The following RIC8B variants were observed in gnomAD, a reference collection of about 807,000 sequenced individuals.
RIC8B encodes chaperone Ric-8B.
A neutral mutation model predicts 57.5 loss-of-function variants in RIC8B; 16 were observed. That is an observed-to-expected ratio of 0.28 (90% CI 0.19 to 0.42). RIC8B has a LOEUF of 0.42. RIC8B is among the 10% of genes least tolerant of loss of function. RIC8B has a pLI of 1.00. For missense variants in RIC8B, 481 were observed against 677.0 expected (o/e 0.71, Z 3.21); for synonymous variants, 216 against 250.8 (o/e 0.86, Z 1.31).
chr12:106,823,376 G>C (rs1177971242), intron 3 of RIC8B: 1 of 452,028 alleles, frequency 2.2e-6, no homozygotes, highest in African/African-American at 2.0e-5. Context: ...TAATTTAGTG[G>C]ATTTAGAGTA....
Position 106,793,320 on chromosome 12 carries a change from A to T in RIC8B, c.132+9276A>T, listed in dbSNP as rs573350709. Among the ~76,000 whole-genome samples, 4 of 152,358 alleles carry T rather than the reference A, an allele frequency of 2.6e-5. No individual in the cohort carries two copies. In the East Asian group the frequency reaches 7.7e-4, roughly 29 times the overall value. On this transcript the variant is annotated intron_variant, in intron 2 of 9. Transcript: ENST00000392837. ...CTCAGAAATTTTGTCCAGGGGAAGA[A>T]GCAAGCCTTATAAAAGAGAGTGCTG...
chr12:106,836,715 G>A (rs1305433818), intron 4 of RIC8B, among the ~76,000 whole-genome samples: 1 of 152,174 alleles, frequency 6.6e-6, no homozygotes, highest in Admixed American at 6.5e-5. Flanking sequence ...CCTCAATGCA[G>A]TAGCCAGAGT....
Position 106,815,198 on chromosome 12 carries a change from T to C in RIC8B, c.635T>C (p.Ile212Thr). The C allele has an allele frequency of 1.2e-6, 2 of 1,614,240 alleles. No homozygotes were observed. Among genetic ancestry groups the C allele is most frequent in the Non-Finnish European group, 1.7e-6 (2 of 1,180,052 alleles). ...IKWTDEYESA[I>T]DHNGPPLSPQ... The stretch of plus-strand genomic sequence containing the variant: ...TGGACCGATGAGTATGAATCGGCCA[T>C]AGACCATAATGGACCTCCTCTCTCA... Residue 212 changes from isoleucine (I) to threonine (T), a missense_variant, in exon 3 of 10, where the codon ATA becomes ACA. Physicochemically the swap from Ile to Thr is moderately conservative, Grantham distance 89 (BLOSUM62 -1). This residue lies in a region of RIC8B where 421 missense variants were observed against 560.9 expected (regional missense o/e 0.75). Coordinates refer to ENST00000392837, the MANE Select transcript of RIC8B (RefSeq NM_001330145.2).
At chr12:106,793,833 A>G (rs1024972565) in intron 2 of RIC8B, among the ~76,000 whole-genome samples, 10 of 151,868 alleles carry the variant, frequency 6.6e-5, no homozygotes, top group African/African-American at 2.2e-4. Context: ...GTCACTAAAC[A>G]AATAAACAAA....
intron 2 of RIC8B, among the ~76,000 whole-genome samples, chr12:106,811,077 T>A (rs570758434): frequency 1.3e-5 from 2 of 152,374 alleles, no homozygotes; most frequent in Admixed American, 6.5e-5. Context: ...AAACAAGTAA[T>A]ATGCCTCACA....
At chr12:106,784,133 G>C in intron 2 of RIC8B, 89 bp downstream of exon 2, 3 of 1,198,124 alleles carry the variant, frequency 2.5e-6, no homozygotes, top group Non-Finnish European at 3.6e-6. Flanking sequence ...TTCATCTGAT[G>C]GTTATTGATT....
At chr12:106,782,172 C>T (rs548188243) in intron 1 of RIC8B, among the ~76,000 whole-genome samples, 30 of 152,198 alleles carry the variant, frequency 2.0e-4, no homozygotes, top group African/African-American at 6.7e-4. Context: ...GCATAACATT[C>T]CGTCAGTCTC....
chr12:106,788,431 C>G (rs1406708652), intron 2 of RIC8B, among the ~76,000 whole-genome samples: 1 of 152,194 alleles, frequency 6.6e-6, no homozygotes, highest in East Asian at 1.9e-4. Context: ...AGTAGGGACT[C>G]CGTGTGGGGG....
intron 4 of RIC8B, among the ~76,000 whole-genome samples, chr12:106,838,781 C>A (rs2046732725): frequency 6.6e-6 from 1 of 151,768 alleles, no homozygotes; most frequent in African/African-American, 2.4e-5. Flanking sequence ...AATCCATATA[C>A]CTCAAGAGGT....
rs756840233 is a variant in RIC8B at position 106,885,910 on chromosome 12, G to A, written c.1578G>A (p.Glu526=). 8.7e-6 allele frequency: 14 copies of A among 1,609,994 alleles called. No individual in the cohort carries two copies. Among genetic ancestry groups the A allele is most frequent in the Non-Finnish European group, 8.5e-7 (1 of 1,176,756 alleles). ...CTTTTATCTCTTTTTCTAGAGAGGAGTTGCTTAAACCAATGGGACTAAAAC... is the reference window on the plus strand; with the variant it reads ...CTTTTATCTCTTTTTCTAGAGAGGAATTGCTTAAACCAATGGGACTAAAAC... The part of the protein sequence containing the change: ...VNMLDKLSRE[E]LLKPMGLKPD... The change falls in exon 10 of 10, where the codon GAG becomes GAA. Residue 526 remains glutamate (E), a synonymous_variant. Coordinates refer to ENST00000392837, the MANE Select transcript of RIC8B (RefSeq NM_001330145.2).
chr12:106,885,894 C>G lies in RIC8B; in HGVS notation c.1572-10C>G. ...ACTTTTTTTTCTCTCTCTTTTATCT[C>G]TTTTTCTAGAGAGGAGTTGCTTAAA... On this transcript the variant is annotated splice_polypyrimidine_tract_variant and intron_variant, in intron 9 of 9. Coordinates refer to ENST00000392837, the MANE Select transcript of RIC8B (RefSeq NM_001330145.2). 6.3e-7 allele frequency: 1 copy of G among 1,583,538 alleles called. No individual in the cohort carries two copies. The highest frequency in any genetic ancestry group is 8.7e-7 in the Non-Finnish European group (1 of 1,153,110).
intron 4 of RIC8B, among the ~76,000 whole-genome samples, 155 bp from the exon 5 acceptor site, chr12:106,842,434 T>C (rs550697633): frequency 6.6e-6 from 1 of 152,218 alleles, no homozygotes; most frequent in Non-Finnish European, 1.5e-5. Flanking sequence ...ATTTCCTATC[T>C]CATAGTAAGT....
At chr12:106,805,248 AT>A (rs1182754592) in intron 2 of RIC8B, among the ~76,000 whole-genome samples, 1 of 152,216 alleles carries the variant, frequency 6.6e-6, no homozygotes, top group African/African-American at 2.4e-5. Flanking sequence ...CAACCAAGTT[AT>A]ACAAGTTAGA....
chr12:106,807,267 T>C (rs1352673253), intron 2 of RIC8B, among the ~76,000 whole-genome samples: 1 of 152,234 alleles, frequency 6.6e-6, no homozygotes, highest in Non-Finnish European at 1.5e-5. Context: ...CTAAGTTGTT[T>C]TAACAAGGGG....
At chr12:106,788,226 G>A (rs912542802) in intron 2 of RIC8B, among the ~76,000 whole-genome samples, 2 of 152,210 alleles carry the variant, frequency 1.3e-5, no homozygotes, top group African/African-American at 4.8e-5. Flanking sequence ...TGATTCAAGA[G>A]GTAGGTTCCC....
chr12:106,791,549 A>G (rs1203064200), intron 2 of RIC8B, among the ~76,000 whole-genome samples: 1 of 152,176 alleles, frequency 6.6e-6, no homozygotes, highest in Non-Finnish European at 1.5e-5. Context: ...TATGGAGTGA[A>G]ATATATATAA....
At chr12:106,781,872 G>A (rs921341168) in intron 1 of RIC8B, among the ~76,000 whole-genome samples, 1 of 151,972 alleles carries the variant, frequency 6.6e-6, no homozygotes, top group African/African-American at 2.4e-5. Flanking sequence ...ATTTTCATTT[G>A]TATTGAACCT....
Position 106,814,862 on chromosome 12 carries a change from A to T in RIC8B, c.299A>T (p.Glu100Val). The change falls in exon 3 of 10, where the codon GAG becomes GTG. Residue 100 changes from glutamate (E) to valine (V), a missense_variant. Physicochemically the swap from Glu to Val is moderately radical, Grantham distance 121 (BLOSUM62 -2). Transcript: ENST00000392837. ...QILLRLAKLN[E>V]LDDSLEKVSE... ...CTGCTGCGACTAGCCAAGCTAAATG[A>T]GTTAGATGATTCTTTGGAGAAAGTA... 6.2e-7 allele frequency: 1 copy of T among 1,614,162 alleles called. No homozygotes were observed. The highest frequency in any genetic ancestry group is 1.1e-5 in the South Asian group (1 of 91,084).
chr12:106,830,709 T>C (rs2046317549), intron 4 of RIC8B, among the ~76,000 whole-genome samples: 1 of 152,182 alleles, frequency 6.6e-6, no homozygotes, highest in African/African-American at 2.4e-5. Context: ...TGGAGGAACA[T>C]GGAGACTAAA....
Sources: gnomAD v4.1 joint callset for allele counts (sites outside exome capture counted in the v4.1 genomes callset) on GRCh38, gnomAD v4.1.1 for gene constraint, gnomAD v4.1.1 regional missense constraint, MANE v1.5 for transcripts, NCBI Gene and HGNC (gene_info 2026-07-23, HGNC 2026-07-21) for gene names.